Variants in PFKM observed in about 807,000 individuals in gnomAD.
The protein encoded by PFKM is ATP-dependent 6-phosphofructokinase, muscle type.
In PFKM, 58 loss-of-function variants were observed where a neutral mutation model predicts 95.5. That is an observed-to-expected ratio of 0.61 (90% confidence interval 0.49 to 0.76). PFKM has a LOEUF of 0.76. Ranked by LOEUF, PFKM falls within the 30% of genes least tolerant of loss-of-function variation. The pLI, the probability that PFKM is intolerant of heterozygous loss-of-function variation, is 0.00. For missense variants in PFKM, 678 were observed against 1,005.4 expected (o/e 0.67, Z 4.40); for synonymous variants, 336 against 357.2 (o/e 0.94, Z 0.67).
At chr12:48,138,117 C>T (rs1281549421) in intron 11 of PFKM, among the ~76,000 whole-genome samples, 1 of 152,152 alleles carries the variant, frequency 6.6e-6, no homozygotes, top group African/African-American at 2.4e-5. Context: ...TAATATACAA[C>T]CTCAAACCTT....
chr12:48,128,248 G>A (rs1358046012), intron 2 of PFKM, among the ~76,000 whole-genome samples: 1 of 149,044 alleles, frequency 6.7e-6, no homozygotes, highest in Non-Finnish European at 1.5e-5. Context: ...TCCCTGTTTC[G>A]ACTGTACTTT....
chr12:48,122,696 A>G (rs1948406144), intron 1 of PFKM, 71 bp from the exon 2 acceptor site: 2 of 1,607,578 alleles, frequency 1.2e-6, no homozygotes, highest in African/African-American at 2.7e-5. Context: ...AGCCAGTCTA[A>G]TTGCCGTTCC....
chr12:48,108,888 G>A (rs533698822), intron 3 of PFKM, among the ~76,000 whole-genome samples: 5 of 152,252 alleles, frequency 3.3e-5, no homozygotes, highest in Middle Eastern at 3.4e-3. Context: ...ATGCCTTAGC[G>A]ATTATTTACC....
At chr12:48,110,990 T>C (rs987722004) in intron 3 of PFKM, among the ~76,000 whole-genome samples, 2 of 152,142 alleles carry the variant, frequency 1.3e-5, no homozygotes, top group Admixed American at 6.5e-5. Context: ...CATTTCAAGA[T>C]AGGTAAGAGT....
At chr12:48,121,782 A>G (rs1424670111) in intron 1 of PFKM, among the ~76,000 whole-genome samples, 3 of 152,132 alleles carry the variant, frequency 2.0e-5, no homozygotes, top group African/African-American at 7.2e-5. Context: ...AAAGGAGGGG[A>G]TGGATAAAGG....
exon 1 of PFKM, chr12:48,105,968 G>A (rs1946538903): frequency 2.9e-6 from 2 of 698,584 alleles, no homozygotes; most frequent in South Asian, 3.0e-5. Context: ...GTCCGACACA[G>A]TCTCCTGGAC....
At chr12:48,127,619 C>T (rs1948993499) in intron 2 of PFKM, among the ~76,000 whole-genome samples, 1 of 152,196 alleles carries the variant, frequency 6.6e-6, no homozygotes, top group Admixed American at 6.5e-5. Context: ...CCAGTTCAGG[C>T]CTTCCACATT....
intron 2 of PFKM, among the ~76,000 whole-genome samples, chr12:48,107,811 C>G (rs980428088): frequency 1.3e-5 from 2 of 152,170 alleles, no homozygotes; most frequent in East Asian, 3.9e-4. Context: ...CACTCCAAAA[C>G]TATCAGATAA....
At chr12:48,108,905 C>A (rs1305562378) in intron 3 of PFKM, among the ~76,000 whole-genome samples, 6 of 152,180 alleles carry the variant, frequency 3.9e-5, no homozygotes, top group Non-Finnish European at 7.3e-5. Context: ...TACCCCAACT[C>A]TCTTATATTT....
chr12:48,135,627 G>A (rs957802610), intron 10 of PFKM, among the ~76,000 whole-genome samples: 21 of 152,092 alleles, frequency 1.4e-4, no homozygotes, highest in African/African-American at 5.1e-4. Flanking sequence ...GTTTTGTTTT[G>A]TTTCATATAT....
chr12:48,129,135 T>C (rs1254964716), intron 2 of PFKM, among the ~76,000 whole-genome samples: 1 of 151,330 alleles, frequency 6.6e-6, no homozygotes, highest in Non-Finnish European at 1.5e-5. Context: ...GATAATATCA[T>C]CTGTGAAAAA....
exon 1 of PFKM, chr12:48,106,099 G>A (rs1946561407): frequency 1.4e-6 from 1 of 702,550 alleles, no homozygotes; most frequent in Admixed American, 2.0e-5. Flanking sequence ...GAACCGCCGC[G>A]AACCGGAACC....
exon 3 of PFKM, chr12:48,108,106 A>G (rs960362766): frequency 6.3e-7 from 1 of 1,599,284 alleles, no homozygotes; most frequent in Non-Finnish European, 8.5e-7. Context: ...TGCTCATACC[A>G]AAGCCACCAC....
intron 2 of PFKM, among the ~76,000 whole-genome samples, chr12:48,126,884 T>C (rs1948903587): frequency 6.6e-6 from 1 of 152,230 alleles, no homozygotes; most frequent in Non-Finnish European, 1.5e-5. Flanking sequence ...AGGCTTTGTG[T>C]TGACTTTTGA....
At chr12:48,139,754 T>A in intron 12 of PFKM, 95 bp from the exon 13 acceptor site, 1 of 871,402 alleles carries the variant, frequency 1.1e-6, no homozygotes, top group Non-Finnish European at 2.0e-6. Context: ...CTATGGAACT[T>A]CCCTCTGGGA....
intron 15 of PFKM, 89 bp from the exon 16 acceptor site, chr12:48,141,651 C>T: frequency 9.8e-7 from 1 of 1,018,010 alleles, no homozygotes; most frequent in Non-Finnish European, 1.6e-6. Flanking sequence ...TAAAGTGCCT[C>T]TAACTCTAGC....
upstream of PFKM, chr12:48,105,855 C>G (rs1329415855): frequency 3.3e-6 from 2 of 602,666 alleles, no homozygotes; most frequent in Admixed American, 3.0e-5. Flanking sequence ...CACCGGACAG[C>G]AGGGGGGAGG....
chr12:48,135,910 ACGCACCAT>A (rs1475478207), intron 10 of PFKM, among the ~76,000 whole-genome samples: 4 of 151,332 alleles, frequency 2.6e-5, no homozygotes, highest in Non-Finnish European at 5.9e-5. Context: ...ATTTTTTGAG[ACGCACCAT>A]TGCACTCGCT....
intron 1 of PFKM, chr12:48,106,437 C>T: frequency 2.4e-6 from 1 of 418,264 alleles, no homozygotes; most frequent in Non-Finnish European, 4.3e-6. Context: ...TTCGCGGTGG[C>T]CCTAAATCTG....
Sources: gnomAD v4.1 joint callset for allele counts (sites outside exome capture counted in the v4.1 genomes callset) on GRCh38, gnomAD v4.1.1 for gene constraint, MANE v1.5 for transcripts, NCBI Gene and HGNC (gene_info 2026-07-23, HGNC 2026-07-21) for gene names.